Variants in RALGAPA2 observed in about 807,000 individuals in gnomAD.
RALGAPA2 encodes the protein ral GTPase-activating protein subunit alpha-2.
Under a neutral mutation model 230.4 loss-of-function variants are expected in RALGAPA2, and 139 were observed. That is an observed-to-expected ratio of 0.60 (90% CI 0.53 to 0.69). RALGAPA2 has a LOEUF of 0.69. Among genes scored for constraint, RALGAPA2 ranks in the 30% least tolerant of loss-of-function variants. The probability of loss-of-function intolerance (pLI) is 0.00; values close to 1 mark genes in which losing one functional copy is unlikely to be tolerated. For missense variants in RALGAPA2, 2,163 were observed against 2,276.0 expected (o/e 0.95, Z 1.01); for synonymous variants, 847 against 837.8 (o/e 1.01, Z -0.19).
intron 23 of RALGAPA2, among the ~76,000 whole-genome samples, chr20:20,556,564 C>G (rs1366293017): frequency 6.6e-6 from 1 of 152,190 alleles, no homozygotes; most frequent in Admixed American, 6.5e-5. Flanking sequence ...ACAGTTTGTA[C>G]AACAGGTTGG....
intron 24 of RALGAPA2, among the ~76,000 whole-genome samples, chr20:20,540,603 C>T (rs1403330612): frequency 1.3e-5 from 2 of 151,996 alleles, no homozygotes; most frequent in African/African-American, 4.8e-5. Flanking sequence ...TCCTTCCCTC[C>T]ACATTTTCTA....
chr20:20,591,150 G>T lies in RALGAPA2; in HGVS notation c.2341+27C>A, dbSNP rs369327824. ...TTCCTCTGCCAGAATCTATAGTTCT[G>T]TATTAAACACTGAAGACATCATGTA... On this transcript the variant is annotated intron_variant, in intron 17 of 39. Transcript: ENST00000202677. The T allele has an allele frequency of 1.0e-4, 163 of 1,610,856 alleles. 2 individuals carry two copies. Among genetic ancestry groups the T allele is most frequent in the South Asian group, 9.6e-4 (87 of 90,910 alleles).
In RALGAPA2 at chr20:20,439,620, G is replaced by A. The variant is rs114090924; in HGVS notation, c.5496-27472C>T. Among the ~76,000 whole-genome samples the A allele has an allele frequency of 3.8e-3, 581 of 152,280 alleles. 6 individuals carry two copies. The highest frequency in any genetic ancestry group is 0.014 in the African/African-American group (566 of 41,542). On this transcript the variant is annotated intron_variant, in intron 37 of 39. Coordinates refer to ENST00000202677, the MANE Select transcript of RALGAPA2 (RefSeq NM_020343.4). Reference sequence around the variant, plus strand: ...GATAGATACCGATCCTGGGGGAGTGGGCTGGGGAGGGTGATGGGATTATCC... The same window carrying A: ...GATAGATACCGATCCTGGGGGAGTGAGCTGGGGAGGGTGATGGGATTATCC...
In RALGAPA2 at chr20:20,437,288, C is replaced by T. The variant is rs141242480; in HGVS notation, c.5496-25140G>A. 4.1e-3 allele frequency among the ~76,000 whole-genome samples: 623 copies of T among 152,310 alleles called. 14 individuals carry two copies. The highest frequency in any genetic ancestry group is 0.036 in the Admixed American group (555 of 15,296). On this transcript the variant is annotated intron_variant, in intron 37 of 39. Transcript: ENST00000202677. The surrounding 1 kb of genome is among the most constrained non-coding windows in gnomAD (Gnocchi z 4.1). Reference sequence around the variant, plus strand: ...CTCTGCACCCTCTGACATGCCACGTCTCATCTGGCCACAAATCCCCATCAA... The same window carrying T: ...CTCTGCACCCTCTGACATGCCACGTTTCATCTGGCCACAAATCCCCATCAA...
intron 1 of RALGAPA2, among the ~76,000 whole-genome samples, chr20:20,700,928 T>C (rs993190329): frequency 1.3e-5 from 2 of 152,212 alleles, no homozygotes; most frequent in South Asian, 2.1e-4. Context: ...GTTTAAGCCA[T>C]GACGGACCAG....
chr20:20,663,462 A>G lies in RALGAPA2; in HGVS notation c.271-9875T>C, dbSNP rs531446259. 3.9e-5 allele frequency among the ~76,000 whole-genome samples: 6 copies of G among 152,224 alleles called. No individual in the cohort carries two copies. In the East Asian group the frequency reaches 1.2e-3, roughly 29 times the overall value. The stretch of plus-strand genomic sequence containing the variant: ...TCTTACTGTAGATCTTAGCAACCTC[A>G]GCATATAGTTTTTTTCTTTCTTATT... On this transcript the variant is annotated intron_variant, in intron 3 of 39. Coordinates refer to ENST00000202677, the MANE Select transcript of RALGAPA2 (RefSeq NM_020343.4).
At position 20,484,262 on chromosome 20, in the gene RALGAPA2, T is replaced by C. The variant is rs144398555; in HGVS notation, c.5367+10855A>G. On this transcript the variant is annotated intron_variant, in intron 36 of 39. Transcript: ENST00000202677. ...CAAGGAGTCCATGCACTGAACATTT[T>C]ATAAACATTTTATGAAAAGTAAAAT... Among the ~76,000 whole-genome samples the C allele has an allele frequency of 8.8e-3, 1,341 of 152,358 alleles. 21 individuals are homozygous for C. The highest frequency in any genetic ancestry group is 0.031 in the African/African-American group (1,285 of 41,572).
At chr20:20,473,820 A>G (rs962955630) in intron 36 of RALGAPA2, among the ~76,000 whole-genome samples, 1 of 152,162 alleles carries the variant, frequency 6.6e-6, no homozygotes, top group African/African-American at 2.4e-5. Flanking sequence ...ATGAGATCAC[A>G]ATTCTTACAT....
chr20:20,513,565 T>C (rs185833910), intron 31 of RALGAPA2, among the ~76,000 whole-genome samples: 55 of 152,164 alleles, frequency 3.6e-4, no homozygotes, highest in African/African-American at 1.2e-3. Context: ...ATCCAGCTGG[T>C]AAGAGTGAGT....
chr20:20,531,377 G>T (rs1280633655), intron 27 of RALGAPA2, among the ~76,000 whole-genome samples: 2 of 152,168 alleles, frequency 1.3e-5, no homozygotes, highest in Admixed American at 6.5e-5. Flanking sequence ...GCCAGAGCAC[G>T]ACACCCCACT....
chr20:20,663,602 T>C (rs941853102), intron 3 of RALGAPA2, among the ~76,000 whole-genome samples: 14 of 152,076 alleles, frequency 9.2e-5, no homozygotes, highest in Non-Finnish European at 1.5e-4. Flanking sequence ...ATTATTACTA[T>C]TATTTTTGAG....
chr20:20,668,672 A>G (rs2068037437), intron 3 of RALGAPA2, among the ~76,000 whole-genome samples: 1 of 152,204 alleles, frequency 6.6e-6, no homozygotes, highest in Non-Finnish European at 1.5e-5. Context: ...TATGAGTCCA[A>G]AGGAAAGAAT....
At chr20:20,471,168 T>C (rs1404901676) in intron 37 of RALGAPA2, 1 of 152,226 alleles carries the variant, frequency 6.6e-6, no homozygotes, top group African/African-American at 2.4e-5. Context: ...TTAGTCCTGA[T>C]GTGTCACTGC....
chr20:20,681,845 A>G (rs926974562), intron 1 of RALGAPA2, among the ~76,000 whole-genome samples: 18 of 152,146 alleles, frequency 1.2e-4, no homozygotes, highest in African/African-American at 4.1e-4. Flanking sequence ...GGCAAGAGTG[A>G]AACCCCTGTC....
At chr20:20,582,478 T>A (rs1423602718) in intron 20 of RALGAPA2, among the ~76,000 whole-genome samples, 1 of 152,160 alleles carries the variant, frequency 6.6e-6, no homozygotes, top group Non-Finnish European at 1.5e-5. Context: ...TGAAGTCATT[T>A]TTTTTAAGTT....
intron 37 of RALGAPA2, among the ~76,000 whole-genome samples, chr20:20,426,436 A>G (rs1033576216): frequency 2.0e-5 from 3 of 152,178 alleles, no homozygotes; most frequent in Admixed American, 1.3e-4. Context: ...TGTTGAAAAT[A>G]ATGAGTCTTG....
rs181119988 is a variant in RALGAPA2 at position 20,570,988 on chromosome 20, G to A, written c.3156+470C>T. On this transcript the variant is annotated intron_variant, in intron 23 of 39. Coordinates refer to ENST00000202677, the MANE Select transcript of RALGAPA2 (RefSeq NM_020343.4). ...TTGAACCAAACTTAAATTGCATTGG[G>A]AGAAATTAAAATAACTCCTTATCAA... Among the ~76,000 whole-genome samples the A allele has an allele frequency of 8.0e-4, 122 of 152,284 alleles. 1 individual carries two copies. The highest frequency in any genetic ancestry group is 6.8e-3 in the Middle Eastern group (2 of 294).
intron 37 of RALGAPA2, among the ~76,000 whole-genome samples, chr20:20,467,592 T>C (rs1569424377): frequency 1.3e-5 from 2 of 152,048 alleles, no homozygotes; most frequent in South Asian, 2.1e-4. Flanking sequence ...GATTGATTGA[T>C]TGTATTCTTA....
chr20:20,393,879 A>G (rs897449623), intron 39 of RALGAPA2, among the ~76,000 whole-genome samples: 8 of 152,202 alleles, frequency 5.3e-5, no homozygotes, highest in Non-Finnish European at 1.2e-4. Context: ...TCAGAGGAAT[A>G]CAAGAATGCC....
Sources: gnomAD v4.1 joint callset for allele counts (sites outside exome capture counted in the v4.1 genomes callset) on GRCh38, gnomAD v4.1.1 for gene constraint, Gnocchi (gnomAD v3.1) non-coding constraint, MANE v1.5 for transcripts, NCBI Gene and HGNC (gene_info 2026-07-23, HGNC 2026-07-21) for gene names.